The following RALY variants were observed in gnomAD, a reference collection of about 807,000 sequenced individuals.
RALY encodes the protein RNA-binding protein Raly.
RALY carries 15 observed loss-of-function variants against 30.7 expected under a neutral mutation model. The ratio of observed to expected loss-of-function variants is 0.49; its 90% CI spans 0.33 to 0.75. The LOEUF is 0.75. RALY is among the 30% of genes least tolerant of loss of function. The pLI, the probability that RALY is intolerant of heterozygous loss-of-function variation, is 0.02. For synonymous variants in RALY, 177 were observed against 170.8 expected (o/e 1.04, Z -0.28); for missense variants, 339 against 414.3 (o/e 0.82, Z 1.58).
rs754891779 is a variant in RALY, at chr20:34,081,055, C to T, written c.*1150C>T. On this transcript the variant is annotated 3_prime_UTR_variant, in exon 10 of 10. Coordinates refer to ENST00000246194, the MANE Select transcript of RALY (RefSeq NM_016732.3). ...CAAACGTGTGCTGCTTATACATGCT[C>T]ATTGTGTACTGCTAATGTCACCTAC... is the stretch of plus-strand genomic sequence containing the variant. 6.6e-6 allele frequency: 1 copy of T among 152,332 alleles called. No homozygotes were observed. The highest frequency in any genetic ancestry group is 6.5e-5 in the Admixed American group (1 of 15,296). 9.4% of individuals were successfully genotyped at this position (152,332 alleles called of 1,614,324 possible).
intron 2 of RALY, among the ~76,000 whole-genome samples, chr20:34,047,370 G>A (rs2032917479): frequency 1.3e-5 from 2 of 152,194 alleles, no homozygotes. Flanking sequence ...GGTAGGAGCA[G>A]GGGGCAGTGT....
chr20:34,047,660 T>G (rs2032929626), intron 2 of RALY, among the ~76,000 whole-genome samples: 2 of 152,196 alleles, frequency 1.3e-5, no homozygotes, highest in South Asian at 4.1e-4. Context: ...ATAATTGTGT[T>G]CCTTAGGCTG....
intron 2 of RALY, among the ~76,000 whole-genome samples, chr20:34,064,837 A>G (rs2033522679): frequency 6.6e-6 from 1 of 152,138 alleles, no homozygotes. Flanking sequence ...TCCAGTTCTT[A>G]TCCTAATTCT....
At chr20:34,032,617 T>C (rs1425892670) in intron 2 of RALY, among the ~76,000 whole-genome samples, 3 of 151,988 alleles carry the variant, frequency 2.0e-5, no homozygotes, top group African/African-American at 7.3e-5. Context: ...TGCCTCAGCC[T>C]CCCGAGTAGC....
chr20:34,018,500 A>G (rs908828440), intron 1 of RALY, among the ~76,000 whole-genome samples: 1 of 152,178 alleles, frequency 6.6e-6, no homozygotes, highest in African/African-American at 2.4e-5. Context: ...AATTAATGGA[A>G]TCTGTTCAAA....
chr20:34,001,166 T>TG (rs1222375820), intron 1 of RALY, among the ~76,000 whole-genome samples: 3 of 152,216 alleles, frequency 2.0e-5, no homozygotes, highest in African/African-American at 7.2e-5. Flanking sequence ...ATTATAAACT[T>TG]GGAGCTGTAG....
At chr20:33,995,007 A>G (rs1271684541) in intron 1 of RALY, among the ~76,000 whole-genome samples, 1 of 152,088 alleles carries the variant, frequency 6.6e-6, no homozygotes, top group Non-Finnish European at 1.5e-5. Flanking sequence ...TGGTGCCAGT[A>G]CCTATTATTT....
chr20:34,005,382 G>T (rs986675997), intron 1 of RALY, among the ~76,000 whole-genome samples: 2 of 152,082 alleles, frequency 1.3e-5, no homozygotes, highest in Non-Finnish European at 2.9e-5. Flanking sequence ...GGTGGCGCGT[G>T]CCTGTAATCC....
chr20:34,043,283 A>G (rs2032765455), intron 2 of RALY, among the ~76,000 whole-genome samples: 1 of 152,130 alleles, frequency 6.6e-6, no homozygotes, highest in South Asian at 2.1e-4. Context: ...TTCCATTTGG[A>G]GGAAGTTTAT....
At chr20:34,074,539 G>A (rs377477490) in intron 5 of RALY, among the ~76,000 whole-genome samples, 4 of 152,132 alleles carry the variant, frequency 2.6e-5, no homozygotes, top group African/African-American at 7.2e-5. Context: ...AGCATGAGTC[G>A]TCCGCCCCCA....
intron 2 of RALY, among the ~76,000 whole-genome samples, chr20:34,035,185 A>AAAC: frequency 4.2e-5 from 6 of 142,656 alleles, no homozygotes; most frequent in South Asian, 2.2e-4. Flanking sequence ...AAAAAAAAAA[A>AAAC]AACAGTCTGG....
chr20:34,064,655 A>T (rs2033517633), intron 2 of RALY, among the ~76,000 whole-genome samples: 1 of 152,172 alleles, frequency 6.6e-6, no homozygotes. Context: ...TCTCAGGCAA[A>T]GTGTGATGCA....
At chr20:34,028,246 A>G (rs1012216852) in intron 1 of RALY, among the ~76,000 whole-genome samples, 3 of 151,686 alleles carry the variant, frequency 2.0e-5, no homozygotes, top group Non-Finnish European at 4.4e-5. Context: ...AGATTGCACT[A>G]CTGCACTCCA....
At chr20:34,058,635 C>G (rs911235603) in intron 2 of RALY, among the ~76,000 whole-genome samples, 1 of 152,178 alleles carries the variant, frequency 6.6e-6, no homozygotes, top group Non-Finnish European at 1.5e-5. Context: ...ATGTTCTCTG[C>G]GCTAGGGTTT....
At chr20:34,052,650 A>G (rs922088515) in intron 2 of RALY, among the ~76,000 whole-genome samples, 2 of 152,222 alleles carry the variant, frequency 1.3e-5, no homozygotes, top group African/African-American at 4.8e-5. Context: ...GATGTTTCCA[A>G]ACAGTTGAAG....
chr20:34,027,467 A>G (rs566856566), intron 1 of RALY, among the ~76,000 whole-genome samples: 2 of 152,338 alleles, frequency 1.3e-5, no homozygotes, highest in South Asian at 4.1e-4. Context: ...CCTGGCTTAA[A>G]TCTTTGCTTC....
chr20:34,076,915 ATCC>A (rs1479884717), intron 7 of RALY, 100 bp downstream of exon 7: 1 of 1,590,116 alleles, frequency 6.3e-7, no homozygotes, highest in Non-Finnish European at 8.6e-7. Context: ...GGCCCTGCAG[ATCC>A]TGGACCACCT....
At chr20:34,027,090 G>A (rs1388971255) in intron 1 of RALY, among the ~76,000 whole-genome samples, 9 of 152,120 alleles carry the variant, frequency 5.9e-5, no homozygotes, top group Non-Finnish European at 1.2e-4. Flanking sequence ...AGACATAGCA[G>A]CAGTGAGCAC....
chr20:34,028,566 T>C (rs1331734220), intron 1 of RALY, among the ~76,000 whole-genome samples: 3 of 151,642 alleles, frequency 2.0e-5, no homozygotes, highest in Non-Finnish European at 2.9e-5. Context: ...TAGCCAGGCG[T>C]GGTGGCAGGC....
Sources: allele counts gnomAD v4.1 joint callset (sites outside exome capture counted in the v4.1 genomes callset), GRCh38; gene constraint gnomAD v4.1.1; transcripts MANE v1.5; gene names NCBI Gene and HGNC (gene_info 2026-07-23, HGNC 2026-07-21).